Variants in NFATC2 observed in about 807,000 individuals in gnomAD.
NFATC2 encodes the protein nuclear factor of activated T-cells, cytoplasmic 2.
A neutral mutation model predicts 87.3 loss-of-function variants in NFATC2; 22 were observed. The ratio of observed to expected loss-of-function variants is 0.25; its 90% confidence interval spans 0.18 to 0.36. The LOEUF is 0.36. NFATC2 is among the 10% of genes least tolerant of loss of function. The pLI, the probability that NFATC2 is intolerant of heterozygous loss-of-function variation, is 1.00. For missense variants in NFATC2, 1,149 were observed against 1,259.1 expected (o/e 0.91, Z 1.32); for synonymous variants, 565 against 542.2 (o/e 1.04, Z -0.58).
chr20:51,491,877 T>TAC (rs33936990), intron 3 of NFATC2, among the ~76,000 whole-genome samples: 16,850 of 56,456 alleles, frequency 0.3, 1,587 homozygotes, highest in East Asian at 0.36. Flanking sequence ...CACATACACA[T>TAC]ACACACACAC....
At chr20:51,545,837 T>C (rs1346653894), upstream of NFATC2, among the ~76,000 whole-genome samples, 1 of 152,050 alleles carries the variant, frequency 6.6e-6, no homozygotes. Flanking sequence ...GATGGATTGA[T>C]GGAGGATAGA....
intron 3 of NFATC2, among the ~76,000 whole-genome samples, chr20:51,514,675 C>T (rs1259380120): frequency 6.6e-6 from 1 of 151,998 alleles, no homozygotes; most frequent in Admixed American, 6.6e-5. Flanking sequence ...GAGTTCAAGA[C>T]CAGCCAGACC....
intron 9 of NFATC2, among the ~76,000 whole-genome samples, chr20:51,410,114 G>A (rs1256904187): frequency 1.3e-5 from 2 of 150,396 alleles, no homozygotes; most frequent in Non-Finnish European, 2.9e-5. Flanking sequence ...GCAGGCTGAG[G>A]CAGGAGAATG....
chr20:51,560,975 G>A (rs1568764578), intron 1 of NFATC2, among the ~76,000 whole-genome samples: 1 of 152,038 alleles, frequency 6.6e-6, no homozygotes, highest in Non-Finnish European at 1.5e-5. Context: ...CTTTCCAAAT[G>A]GAGCTAAATT....
chr20:51,438,443 G>GAAAAAAA (rs11474098), intron 6 of NFATC2, among the ~76,000 whole-genome samples: 2,349 of 138,884 alleles, frequency 0.017, 42 homozygotes, highest in Non-Finnish European at 0.026. Context: ...AGCTTGCTTT[G>GAAAAAAA]AAAAAAAAAA....
intron 3 of NFATC2, among the ~76,000 whole-genome samples, chr20:51,492,069 G>A (rs1029053557): frequency 6.6e-6 from 1 of 151,820 alleles, no homozygotes; most frequent in Non-Finnish European, 1.5e-5. Context: ...GGAGAAAGCC[G>A]CATCCCTGCA....
chr20:51,481,057 A>G (rs1989211970), intron 3 of NFATC2, among the ~76,000 whole-genome samples: 1 of 152,182 alleles, frequency 6.6e-6, no homozygotes, highest in South Asian at 2.1e-4. Flanking sequence ...CTTTCATGAA[A>G]GGAATACTTC....
At chr20:51,466,188 G>A (rs577461816) in intron 5 of NFATC2, among the ~76,000 whole-genome samples, 1 of 152,092 alleles carries the variant, frequency 6.6e-6, no homozygotes, top group South Asian at 2.1e-4. Context: ...GAGTAGCTGG[G>A]GTTACAGGTG....
intron 9 of NFATC2, among the ~76,000 whole-genome samples, chr20:51,421,219 G>T (rs1051454233): frequency 6.6e-6 from 1 of 152,032 alleles, no homozygotes; most frequent in African/African-American, 2.4e-5. Context: ...GGGTATGTAG[G>T]GGTACCTTGT....
At chr20:51,423,722 C>A (rs1159562289) in intron 9 of NFATC2, among the ~76,000 whole-genome samples, 1 of 152,198 alleles carries the variant, frequency 6.6e-6, no homozygotes, top group Non-Finnish European at 1.5e-5. Flanking sequence ...ACGAATGACA[C>A]TGGATGCTGC....
chr20:51,540,647 G>GTTTTTTGTTTTTTTT (rs1555818252), intron 1 of NFATC2, among the ~76,000 whole-genome samples: 1 of 112,980 alleles, frequency 8.9e-6, no homozygotes, highest in South Asian at 2.6e-4. Context: ...AAAAACTGAA[G>GTTTTTTGTTTTTTTT]TTTTTTTTTT....
At position 51,529,333 on chromosome 20, in the gene NFATC2, T is replaced by C. The variant is rs112394840; in HGVS notation, c.131-5223A>G. Reference sequence around the variant, plus strand: ...AGCAAAAGTATTTAAAGCATTTACATTGGTTTTCATTAATCCAAGCGGCAG... The same window carrying C: ...AGCAAAAGTATTTAAAGCATTTACACTGGTTTTCATTAATCCAAGCGGCAG... On this transcript the variant is annotated intron_variant, in intron 1 of 10. Transcript: ENST00000371564. Among the ~76,000 whole-genome samples the C allele has an allele frequency of 9.8e-3, 1,464 of 148,864 alleles. 17 individuals are homozygous for C. Among genetic ancestry groups the C allele is most frequent in the African/African-American group, 0.034 (1,390 of 40,384 alleles).
chr20:51,463,740 G>C (rs1987389986), intron 5 of NFATC2, among the ~76,000 whole-genome samples: 1 of 152,204 alleles, frequency 6.6e-6, no homozygotes, highest in African/African-American at 2.4e-5. Flanking sequence ...GTGCTTTTCT[G>C]TGCCTCCATC....
intron 6 of NFATC2, among the ~76,000 whole-genome samples, chr20:51,452,123 C>T (rs1985869008): frequency 6.6e-6 from 1 of 152,116 alleles, no homozygotes; most frequent in Admixed American, 6.5e-5. Flanking sequence ...CATCTCTGAT[C>T]CCTCAAGCAA....
chr20:51,541,909 C>A lies in NFATC2; in HGVS notation c.130+461G>T, dbSNP rs1432154003. ...CCTGGAGGGAAGGAGCGGCCTCCTA[C>A]CCTTGATAACTGGGTTCAGCTGCAC... On this transcript the variant is annotated intron_variant, in intron 1 of 10. Transcript: ENST00000371564. Among the ~76,000 whole-genome samples the A allele has an allele frequency of 2.0e-5, 3 of 152,266 alleles. No homozygotes were observed. The East Asian group carries it at 5.8e-4, about 29-fold the overall frequency.
At position 51,390,118 on chromosome 20, in the gene NFATC2, T is replaced by C. The variant is rs1374328856; in HGVS notation, c.*1378A>G. 1 of 151,800 alleles carries C rather than the reference T, an allele frequency of 6.6e-6. No individual in the cohort carries two copies. The highest frequency in any genetic ancestry group is 1.5e-5 in the Non-Finnish European group (1 of 67,974). 9.4% of individuals were successfully genotyped at this position (151,800 alleles called of 1,614,324 possible). On this transcript the variant is annotated 3_prime_UTR_variant, in exon 11 of 11. Transcript: ENST00000371564. Reference sequence around the variant, plus strand: ...GACTGGGTGCGCTCAGTGGAAACAGTTGGGAGGAAGGAAATCACATATAAC... The same window carrying C: ...GACTGGGTGCGCTCAGTGGAAACAGCTGGGAGGAAGGAAATCACATATAAC...
intron 5 of NFATC2, among the ~76,000 whole-genome samples, chr20:51,460,467 T>C (rs764450584): frequency 2.0e-5 from 3 of 152,178 alleles, no homozygotes; most frequent in Non-Finnish European, 2.9e-5. Context: ...TCAGCAAGGT[T>C]AGCAACACTA....
At chr20:51,500,247 C>T (rs1235588170) in intron 3 of NFATC2, among the ~76,000 whole-genome samples, 1 of 152,084 alleles carries the variant, frequency 6.6e-6, no homozygotes, top group African/African-American at 2.4e-5. Flanking sequence ...CACCAGTCAT[C>T]CAACTAGATG....
intron 1 of NFATC2, among the ~76,000 whole-genome samples, chr20:51,531,433 G>A (rs1413317551): frequency 6.6e-6 from 1 of 152,178 alleles, no homozygotes; most frequent in Non-Finnish European, 1.5e-5. Flanking sequence ...CAATAGGTAG[G>A]CCCTGTGAAT....
Sources: gnomAD v4.1 joint callset for allele counts (sites outside exome capture counted in the v4.1 genomes callset) on GRCh38, gnomAD v4.1.1 for gene constraint, MANE v1.5 for transcripts, NCBI Gene and HGNC (gene_info 2026-07-23, HGNC 2026-07-21) for gene names.